The following MYT1L variants were observed in gnomAD, a reference collection of about 807,000 sequenced individuals.
MYT1L encodes myelin transcription factor 1 like, also known as myelin transcription factor 1-like protein.
In MYT1L, 12 loss-of-function variants were observed where a neutral mutation model predicts 126.7. The ratio of observed to expected loss-of-function variants is 0.09; its 90% CI spans 0.06 to 0.15. The LOEUF is 0.15. MYT1L is among the 10% of genes least tolerant of loss of function. The pLI is 1.00. For synonymous variants in MYT1L, 541 were observed against 604.2 expected, an observed-to-expected ratio of 0.90 and a Z score of 1.53; for missense variants, 979 against 1,585.2, an observed-to-expected ratio of 0.62 and a Z score of 6.49.
At chr2:1,843,863 C>A (rs1219276517) in intron 19 of MYT1L, among the ~76,000 whole-genome samples, 1 of 152,236 alleles carries the variant, frequency 6.6e-6, no homozygotes, top group Non-Finnish European at 1.5e-5. Context: ...GGGGGCAAAA[C>A]TAAACCAAAC....
intron 2 of MYT1L, among the ~76,000 whole-genome samples, chr2:2,234,372 G>A (rs767314991): frequency 1.3e-5 from 2 of 152,232 alleles, no homozygotes; most frequent in Non-Finnish European, 2.9e-5. Flanking sequence ...GCACACATTT[G>A]TAGGGTGCGG....
In MYT1L at chr2:2,216,489, A is replaced by C. The variant is rs573369597; in HGVS notation, c.-420-43501T>G. 1.8e-4 allele frequency among the ~76,000 whole-genome samples: 27 copies of C among 152,356 alleles called. No homozygotes were observed. In the South Asian group the frequency reaches 5.4e-3, roughly 30 times the overall value. On this transcript the variant is annotated intron_variant, in intron 2 of 24. Coordinates refer to ENST00000647738, the MANE Select transcript of MYT1L (RefSeq NM_001303052.2). ...ATGAAAATGAAAAAGAAGTTCCACC[A>C]GGTATCAATTTGCGGGAGGTTGGTG...
chr2:2,013,219 C>G (rs1262649704), intron 4 of MYT1L, among the ~76,000 whole-genome samples: 1 of 152,200 alleles, frequency 6.6e-6, no homozygotes, highest in African/African-American at 2.4e-5. Context: ...ACTGAAGCCT[C>G]CTGAGCTACT....
intron 3 of MYT1L, among the ~76,000 whole-genome samples, chr2:2,129,591 C>A (rs191823292): frequency 6.6e-6 from 1 of 152,118 alleles, no homozygotes; most frequent in African/African-American, 2.4e-5. Flanking sequence ...CCACAAACAC[C>A]AATTGCATAT....
chr2:2,254,423 G>C (rs1276982629), intron 2 of MYT1L, among the ~76,000 whole-genome samples: 1 of 152,138 alleles, frequency 6.6e-6, no homozygotes, highest in African/African-American at 2.4e-5. Flanking sequence ...TCAGGAGACT[G>C]TGATGGGACA....
At chr2:1,914,006 A>C (rs929011373) in intron 11 of MYT1L, among the ~76,000 whole-genome samples, 2 of 152,142 alleles carry the variant, frequency 1.3e-5, no homozygotes, top group African/African-American at 4.8e-5. Context: ...CTGTAATTCC[A>C]GCACTTTGGG....
At chr2:2,019,314 T>C (rs932732835) in intron 4 of MYT1L, among the ~76,000 whole-genome samples, 1 of 152,172 alleles carries the variant, frequency 6.6e-6, no homozygotes, top group African/African-American at 2.4e-5. Context: ...CCTGCCACCA[T>C]GCGAGATGTG....
At chr2:2,114,410 T>C (rs1023359368) in intron 3 of MYT1L, among the ~76,000 whole-genome samples, 1 of 152,218 alleles carries the variant, frequency 6.6e-6, no homozygotes, top group African/African-American at 2.4e-5. Flanking sequence ...ATTTTTGTCT[T>C]TCCTACCTTC....
chr2:2,020,032 A>G (rs2064873649), intron 4 of MYT1L, among the ~76,000 whole-genome samples: 1 of 151,946 alleles, frequency 6.6e-6, no homozygotes, highest in Admixed American at 6.6e-5. Context: ...TTTTGTAGAG[A>G]CGAGGTTTCA....
chr2:2,299,958 A>G (rs4369890), intron 1 of MYT1L, among the ~76,000 whole-genome samples: 151,314 of 152,314 alleles, frequency 0.99, 75,170 homozygotes, highest in East Asian at 1. Flanking sequence ...AATCAATACC[A>G]TTTGGTATAT....
intron 5 of MYT1L, among the ~76,000 whole-genome samples, chr2:1,996,110 T>C (rs1292147317): frequency 1.3e-5 from 2 of 152,220 alleles, no homozygotes; most frequent in Non-Finnish European, 2.9e-5. Context: ...GCTGATTGTT[T>C]TGACCACATA....
rs532981053 is a variant in MYT1L at position 1,823,516 on chromosome 2, C to A, written c.3081-14349G>T. Among the ~76,000 whole-genome samples, 38 of 152,294 alleles carry A rather than the reference C, an allele frequency of 2.5e-4. No individual in the cohort carries two copies. In the South Asian group the frequency reaches 7.2e-3, roughly 29 times the overall value. ...GAGGGCAGCCTCTGAGCAGCTCCCC[C>A]AGGACGGAAGCGAAGGCTGCAGGCG... On this transcript the variant is annotated intron_variant, in intron 21 of 24. Transcript: ENST00000647738.
rs376419134 is a variant in MYT1L at position 2,316,276 on chromosome 2, T to G, written c.-521+14691A>C. On this transcript the variant is annotated intron_variant, in intron 1 of 24. Transcript: ENST00000647738. ...CCACTCTTTTGAGTTGGTGAGAACA[T>G]GCCATCGGCTACCATGGTAAAAACC... Among the ~76,000 whole-genome samples the G allele has an allele frequency of 1.4e-3, 212 of 152,212 alleles. 1 individual carries two copies. Among genetic ancestry groups the G allele is most frequent in the African/African-American group, 2.4e-3 (99 of 41,446 alleles).
intron 2 of MYT1L, among the ~76,000 whole-genome samples, chr2:2,270,064 G>A (rs1486332796): frequency 6.6e-6 from 1 of 152,196 alleles, no homozygotes; most frequent in African/African-American, 2.4e-5. Context: ...ATTAGGTCAA[G>A]AGCGTGGCGT....
At chr2:1,993,365 C>G (rs1398239323) in intron 5 of MYT1L, among the ~76,000 whole-genome samples, 1 of 152,164 alleles carries the variant, frequency 6.6e-6, no homozygotes, top group Non-Finnish European at 1.5e-5. Context: ...GGAAACCAAC[C>G]TTCACTCCAC....
intron 2 of MYT1L, among the ~76,000 whole-genome samples, chr2:2,281,786 A>T (rs2095450177): frequency 6.6e-6 from 1 of 152,224 alleles, no homozygotes; most frequent in Non-Finnish European, 1.5e-5. Context: ...GAAAGTAAAA[A>T]CAACAGGTGC....
intron 2 of MYT1L, among the ~76,000 whole-genome samples, chr2:2,264,640 A>G (rs1305716953): frequency 6.6e-6 from 1 of 152,112 alleles, no homozygotes; most frequent in Non-Finnish European, 1.5e-5. Flanking sequence ...CGGAGTGTGT[A>G]CACTCCTCCT....
At position 1,956,507 on chromosome 2, in the gene MYT1L, T is replaced by TTCTATCTATCTA. The variant is rs201077164; in HGVS notation, c.153-13185_153-13174dup. 5.0e-3 allele frequency among the ~76,000 whole-genome samples: 563 copies of TTCTATCTATCTA among 111,860 alleles called. 9 individuals are homozygous for TTCTATCTATCTA. The highest frequency in any genetic ancestry group is 7.0e-3 in the African/African-American group (162 of 23,100). The allele number at this position is 111,860 out of a possible 152,430, so 73.4% of individuals were successfully genotyped here. On this transcript the variant is annotated intron_variant, in intron 8 of 24. Coordinates refer to ENST00000647738, the MANE Select transcript of MYT1L (RefSeq NM_001303052.2). Reference sequence around the variant, plus strand: ...TATGTGTCCTATTCTATATTTCCTATTCTATCTATCTATCTATCTATCTAT... The same window carrying TTCTATCTATCTA: ...TATGTGTCCTATTCTATATTTCCTATTCTATCTATCTATCTATCTATCTATCTATCTATCTAT...
At chr2:2,159,692 G>A (rs934670358) in intron 3 of MYT1L, among the ~76,000 whole-genome samples, 2 of 152,060 alleles carry the variant, frequency 1.3e-5, no homozygotes, top group African/African-American at 4.8e-5. Flanking sequence ...TCAAAGGACA[G>A]AAAGGCCATT....
Sources: allele counts gnomAD v4.1 joint callset (sites outside exome capture counted in the v4.1 genomes callset), GRCh38; gene constraint gnomAD v4.1.1; transcripts MANE v1.5; gene names NCBI Gene and HGNC (gene_info 2026-07-23, HGNC 2026-07-21).